Variants in ANAPC11 observed in about 807,000 individuals in gnomAD.
The protein encoded by ANAPC11 is anaphase-promoting complex subunit 11.
ANAPC11 carries 5 observed loss-of-function variants against 11.8 expected under a neutral mutation model. That is an observed-to-expected ratio of 0.42 (90% CI 0.22 to 0.89). The LOEUF (loss-of-function observed/expected upper bound fraction) is 0.89. ANAPC11 is among the 40% of genes least tolerant of loss of function. ANAPC11 has a pLI of 0.28. For synonymous variants in ANAPC11, 45 were observed against 41.0 expected (o/e 1.10, Z -0.38); for missense variants, 68 against 112.9 (o/e 0.60, Z 1.80).
chr17:81,899,615 C>T lies in ANAPC11; in HGVS notation c.110-305C>T. On this transcript the variant is annotated intron_variant, in intron 3 of 3. Transcript: ENST00000344877. Reference sequence around the variant, plus strand: ...GTGGGCTAGGCCAGAGCGCCACCTCCTCAGAGAGGCCCCTGGGCTCCCCAC... The same window carrying T: ...GTGGGCTAGGCCAGAGCGCCACCTCTTCAGAGAGGCCCCTGGGCTCCCCAC... The T allele has an allele frequency of 2.7e-6, 4 of 1,491,012 alleles. No individual in the cohort carries two copies. In the South Asian group the frequency reaches 5.1e-5, roughly 19 times the overall value. The allele number at this position is 1,491,012 out of a possible 1,614,324, so 92.4% of individuals were successfully genotyped here. A position where few individuals can be genotyped will look rare whatever the true frequency, so the allele number is the denominator to read the frequency against.
chr17:81,897,540 A>G (rs2039786819), intron 3 of ANAPC11, among the ~76,000 whole-genome samples: 1 of 151,818 alleles, frequency 6.6e-6, no homozygotes, highest in Non-Finnish European at 1.5e-5. Flanking sequence ...AGTGTGGCAA[A>G]ATCATAGCTC....
chr17:81,890,978 C>G (rs2039511920), upstream of ANAPC11: 1 of 1,109,746 alleles, frequency 9.0e-7, no homozygotes, highest in East Asian at 2.5e-5. Flanking sequence ...TGCCCCAGCC[C>G]GAGGCCGCAC....
chr17:81,900,362 C>A, downstream of ANAPC11: 1 of 448,048 alleles, frequency 2.2e-6, no homozygotes, highest in Non-Finnish European at 4.0e-6. Context: ...CCAAGGCCCT[C>A]GTCAAACCCT....
At chr17:81,896,910 T>C (rs926666224) in intron 3 of ANAPC11, among the ~76,000 whole-genome samples, 1 of 139,644 alleles carries the variant, frequency 7.2e-6, no homozygotes, top group African/African-American at 2.6e-5. Context: ...CCCTTCTGAG[T>C]TCAAAGGATT....
At position 81,894,468 on chromosome 17, in the gene ANAPC11, C is replaced by T; in HGVS notation, c.-10C>T. On this transcript the variant is annotated splice_region_variant and 5_prime_UTR_variant, in exon 3 of 4. Coordinates refer to ENST00000344877, the MANE Select transcript of ANAPC11 (RefSeq NM_001002248.3). ...GTCGTCCTGTTCCCTCCGCCGCAGGCTCTGCTGCCATGAAGGTGAAGATTA... is the reference window on the plus strand; with the variant it reads ...GTCGTCCTGTTCCCTCCGCCGCAGGTTCTGCTGCCATGAAGGTGAAGATTA... 6.2e-7 allele frequency: 1 copy of T among 1,600,364 alleles called. No individual in the cohort carries two copies. The highest frequency in any genetic ancestry group is 8.6e-7 in the Non-Finnish European group (1 of 1,168,664).
Position 81,894,183 on chromosome 17 carries a change from C to A in ANAPC11, c.-11-284C>A, listed in dbSNP as rs545497914. The A allele has an allele frequency of 2.3e-5, 5 of 213,572 alleles. No homozygotes were observed. In the South Asian group the frequency reaches 7.2e-4, roughly 31 times the overall value. The allele number at this position is 213,572 out of a possible 1,614,324, so 13.2% of individuals were successfully genotyped here. On this transcript the variant is annotated intron_variant, in intron 2 of 3. Coordinates refer to ENST00000344877, the MANE Select transcript of ANAPC11 (RefSeq NM_001002248.3). ...CTCAGCTACTCAGGAGGCCGAAGCA[C>A]AAGAAATGAGCTGAGATCATGCCAC...
chr17:81,894,713 T>TTA, intron 3 of ANAPC11, 127 bp downstream of exon 3: 6 of 475,910 alleles, frequency 1.3e-5, no homozygotes, highest in South Asian at 4.8e-5. Flanking sequence ...CAGTTTCATT[T>TTA]TCTTTTTTTT....
upstream of ANAPC11, chr17:81,891,634 G>A (rs962900294): frequency 7.6e-7 from 1 of 1,321,024 alleles, no homozygotes; most frequent in South Asian, 1.4e-5. Flanking sequence ...CGCCGCGTGA[G>A]GCCTTCCGGT....
chr17:81,894,709 C>CT, intron 3 of ANAPC11, 123 bp downstream of exon 3: 1 of 370,028 alleles, frequency 2.7e-6, no homozygotes, highest in South Asian at 7.4e-5. Flanking sequence ...TACCCAGTTT[C>CT]ATTTTCTTTT....
At chr17:81,896,388 C>G (rs980857034) in intron 3 of ANAPC11, among the ~76,000 whole-genome samples, 1 of 152,034 alleles carries the variant, frequency 6.6e-6, no homozygotes, top group Non-Finnish European at 1.5e-5. Flanking sequence ...CACCATTGCA[C>G]TCCAGCCTGG....
At position 81,899,735 on chromosome 17, in the gene ANAPC11, G is replaced by A. The variant is rs1041874786; in HGVS notation, c.110-185G>A. The A allele has an allele frequency of 2.1e-5, 20 of 957,876 alleles. No homozygotes were observed. In the African/African-American group the frequency reaches 2.8e-4, roughly 14 times the overall value. 59.3% of individuals were successfully genotyped at this position (957,876 alleles called of 1,614,324 possible). ...TGTCCCTTGGTCATTGCTGGTCTTC[G>A]CCTGGGGGCGGGCTGGTCAGGAGAC... is the stretch of plus-strand genomic sequence containing the variant. On this transcript the variant is annotated intron_variant, in intron 3 of 3. Transcript: ENST00000344877.
chr17:81,899,370 G>C (rs770056495), intron 3 of ANAPC11: 7 of 1,613,854 alleles, frequency 4.3e-6, no homozygotes, highest in Middle Eastern at 1.6e-4. Flanking sequence ...GCAGCACACC[G>C]GATCCCTGAT....
intron 1 of ANAPC11, 100 bp from the exon 2 acceptor site, chr17:81,893,452 A>C (rs1467945541): frequency 1.3e-5 from 2 of 151,316 alleles, no homozygotes; most frequent in African/African-American, 4.9e-5. Context: ...TTGGTCTCGA[A>C]CTCCTGACCT....
intron 3 of ANAPC11, among the ~76,000 whole-genome samples, chr17:81,895,053 T>TC (rs1284045273): frequency 7.3e-6 from 1 of 137,220 alleles, no homozygotes; most frequent in Non-Finnish European, 1.6e-5. Flanking sequence ...TTCTTTTCTT[T>TC]TTTTTTTTTT....
upstream of ANAPC11, chr17:81,891,488 G>A (rs2039529017): frequency 8.1e-7 from 1 of 1,236,272 alleles, no homozygotes; most frequent in Non-Finnish European, 1.0e-6. Context: ...CCCGGCCCCC[G>A]CCCCGGCCGC....
chr17:81,900,246 T>G lies in ANAPC11; in HGVS notation c.*181T>G. On this transcript the variant is annotated 3_prime_UTR_variant, in exon 4 of 4. Coordinates refer to ENST00000344877, the MANE Select transcript of ANAPC11 (RefSeq NM_001002248.3). Reference sequence around the variant, plus strand: ...AATAAGTGAAAACTCATTAAACTACTCAAATCTTGCTGGAGGCCTCTGGGT... The same window carrying G: ...AATAAGTGAAAACTCATTAAACTACGCAAATCTTGCTGGAGGCCTCTGGGT... 2.0e-6 allele frequency: 2 copies of G among 990,020 alleles called. No individual in the cohort carries two copies. Among genetic ancestry groups the G allele is most frequent in the South Asian group, 1.7e-5 (1 of 60,122 alleles). The allele number at this position is 990,020 out of a possible 1,614,324, so 61.3% of individuals were successfully genotyped here.
chr17:81,899,851 G>C (rs1418228321), intron 3 of ANAPC11, 69 bp from the exon 4 acceptor site: 1 of 1,505,806 alleles, frequency 6.6e-7, no homozygotes, highest in African/African-American at 1.4e-5. Flanking sequence ...CTGCACCCCT[G>C]CCTGGCTTGT....
intron 3 of ANAPC11, among the ~76,000 whole-genome samples, chr17:81,896,285 G>A (rs2039739094): frequency 6.6e-6 from 1 of 152,022 alleles, no homozygotes; most frequent in African/African-American, 2.4e-5. Flanking sequence ...AGCCGGGCAT[G>A]GTGGTGCATG....
In ANAPC11 at chr17:81,894,396, CTGTGTTGG is replaced by C. The variant is rs1183047423; in HGVS notation, c.-11-68_-11-61del. On this transcript the variant is annotated intron_variant, in intron 2 of 3. Coordinates refer to ENST00000344877, the MANE Select transcript of ANAPC11 (RefSeq NM_001002248.3). ...GGACTGCACTGTGGCAGGCTTATAC[CTGTGTTGG>C]TGCCTAAACGTTCTAGCTCTGCAGA... 3 of 860,756 alleles carry C rather than the reference CTGTGTTGG, an allele frequency of 3.5e-6. No individual in the cohort carries two copies. The African/African-American group carries it at 5.0e-5, about 14-fold the overall frequency. 53.3% of individuals were successfully genotyped at this position (860,756 alleles called of 1,614,324 possible). A position where few individuals can be genotyped will look rare whatever the true frequency, so the allele number is the denominator to read the frequency against.
Sources: gnomAD v4.1 joint callset for allele counts (sites outside exome capture counted in the v4.1 genomes callset) on GRCh38, gnomAD v4.1.1 for gene constraint, MANE v1.5 for transcripts, NCBI Gene and HGNC (gene_info 2026-07-23, HGNC 2026-07-21) for gene names.